Variants in RIMS2 observed in about 807,000 individuals in gnomAD.
RIMS2 encodes the protein regulating synaptic membrane exocytosis 2.
In RIMS2, 59 loss-of-function variants were observed where a neutral mutation model predicts 174.4. The ratio of observed to expected loss-of-function variants is 0.34; its 90% CI spans 0.27 to 0.42. The LOEUF (loss-of-function observed/expected upper bound fraction) is 0.42, where lower values mean the gene tolerates loss of function less well. Among genes scored for constraint, RIMS2 ranks in the 10% least tolerant of loss-of-function variants. The probability of loss-of-function intolerance (pLI) is 1.00; values close to 1 mark genes in which losing one functional copy is unlikely to be tolerated. For synonymous variants in RIMS2, 606 were observed against 572.5 expected (o/e 1.06, Z -0.84); for missense variants, 1,620 against 1,666.3 (o/e 0.97, Z 0.48).
intron 17 of RIMS2, among the ~76,000 whole-genome samples, chr8:104,001,437 A>T (rs776467642): frequency 6.6e-6 from 1 of 152,120 alleles, no homozygotes; most frequent in African/African-American, 2.4e-5. Flanking sequence ...AATGTGTATT[A>T]GTTACAACAC....
At chr8:103,801,151 A>AT (rs1373470831) in intron 3 of RIMS2, among the ~76,000 whole-genome samples, 1 of 151,562 alleles carries the variant, frequency 6.6e-6, no homozygotes, top group Non-Finnish European at 1.5e-5. Flanking sequence ...CACTCGGCTA[A>AT]TTTTTTTTGT....
At position 103,847,391 on chromosome 8, in the gene RIMS2, A is replaced by G. The variant is rs531627172; in HGVS notation, c.699-37907A>G. Among the ~76,000 whole-genome samples the G allele has an allele frequency of 1.2e-4, 18 of 152,236 alleles. No individual in the cohort carries two copies. The South Asian group carries it at 2.1e-3, about 18-fold the overall frequency. ...AAGCACAGTCTTAGCTACATGTTTA[A>G]TGGGGCATTTTGCTATCAGACTAAA... On this transcript the variant is annotated intron_variant, in intron 3 of 23. Coordinates refer to ENST00000504942, the Ensembl canonical transcript of RIMS2.
At chr8:103,623,651 ATTTT>A (rs35923184) in intron 1 of RIMS2, among the ~76,000 whole-genome samples, 1 of 142,092 alleles carries the variant, frequency 7.0e-6, no homozygotes. Flanking sequence ...CGCCCGGCTA[ATTTT>A]TTTTTTTGTA....
intron 2 of RIMS2, among the ~76,000 whole-genome samples, chr8:103,765,199 C>T (rs1289678794): frequency 5.3e-5 from 8 of 151,906 alleles, no homozygotes; most frequent in Non-Finnish European, 1.0e-4. Flanking sequence ...GAATTATGAA[C>T]GGTTATTTTA....
intron 19 of RIMS2, among the ~76,000 whole-genome samples, chr8:104,134,096 T>A (rs1158048778): frequency 6.6e-6 from 1 of 152,020 alleles, no homozygotes; most frequent in Non-Finnish European, 1.5e-5. Context: ...TCAAAAAGTT[T>A]GTGAAAAAAT....
At chr8:103,657,437 T>C (rs888346688) in intron 1 of RIMS2, among the ~76,000 whole-genome samples, 2 of 152,222 alleles carry the variant, frequency 1.3e-5, no homozygotes, top group Non-Finnish European at 2.9e-5. Flanking sequence ...ATCCTCTATA[T>C]AATGAGTTCT....
At chr8:103,780,390 T>C (rs2098375247) in intron 3 of RIMS2, among the ~76,000 whole-genome samples, 1 of 152,188 alleles carries the variant, frequency 6.6e-6, no homozygotes, top group African/African-American at 2.4e-5. Context: ...TTTGGTCTTT[T>C]CTGGTAATAT....
intron 20 of RIMS2, among the ~76,000 whole-genome samples, chr8:104,247,760 T>C (rs2441810): frequency 0.16 from 23,696 of 152,146 alleles, 2,440 homozygotes; most frequent in Non-Finnish European, 0.23. Context: ...CAGGTGTCTA[T>C]TACATATCCA....
chr8:103,834,738 T>TCTCTC (rs1564830472), intron 3 of RIMS2, among the ~76,000 whole-genome samples: 9 of 129,398 alleles, frequency 7.0e-5, no homozygotes, highest in African/African-American at 2.6e-4. Context: ...CTTTCTTTCT[T>TCTCTC]TCTTTCTCTC....
intron 19 of RIMS2, among the ~76,000 whole-genome samples, chr8:104,219,682 G>A (rs2511565): frequency 0.19 from 28,449 of 151,990 alleles, 2,914 homozygotes; most frequent in Non-Finnish European, 0.23. Flanking sequence ...AATTTATTGT[G>A]TATATTTGTG....
At chr8:104,210,701 C>G (rs573151365) in intron 19 of RIMS2, among the ~76,000 whole-genome samples, 227 of 152,308 alleles carry the variant, frequency 1.5e-3, no homozygotes, top group Non-Finnish European at 2.7e-3. Flanking sequence ...TGCAGTATCA[C>G]AGGGCCTTTC....
chr8:104,076,308 C>G (rs1039718741), intron 19 of RIMS2, among the ~76,000 whole-genome samples: 1 of 142,978 alleles, frequency 7.0e-6, no homozygotes, highest in Non-Finnish European at 1.5e-5. Context: ...TTTCCCCCTT[C>G]TATAGTTTTT....
At chr8:104,028,122 A>G (rs2096295711) in intron 19 of RIMS2, among the ~76,000 whole-genome samples, 6 of 150,714 alleles carry the variant, frequency 4.0e-5, no homozygotes, top group African/African-American at 7.4e-5. Flanking sequence ...TTAGAGATAG[A>G]ATCTCTAAAA....
At chr8:103,845,871 C>A (rs2098965240) in intron 3 of RIMS2, among the ~76,000 whole-genome samples, 2 of 152,106 alleles carry the variant, frequency 1.3e-5, no homozygotes, top group Non-Finnish European at 2.9e-5. Flanking sequence ...TAAGTACCTA[C>A]AACTTGCCAA....
At chr8:103,898,547 A>G (rs2099306092) in intron 4 of RIMS2, among the ~76,000 whole-genome samples, 1 of 151,390 alleles carries the variant, frequency 6.6e-6, no homozygotes, top group African/African-American at 2.4e-5. Flanking sequence ...ATTTTTTAGG[A>G]TGTATCAATG....
intron 14 of RIMS2, among the ~76,000 whole-genome samples, chr8:103,958,173 T>C (rs2088258563): frequency 2.0e-5 from 3 of 152,212 alleles, no homozygotes; most frequent in South Asian, 4.1e-4. Flanking sequence ...CAATGACAGA[T>C]TGGATAAAGA....
chr8:103,904,343 C>T (rs1228723397), intron 4 of RIMS2, among the ~76,000 whole-genome samples: 5 of 151,786 alleles, frequency 3.3e-5, no homozygotes. Flanking sequence ...TGGTTGTTTC[C>T]ACTTTTTGCC....
chr8:104,023,411 C>T (rs930554500), intron 19 of RIMS2, among the ~76,000 whole-genome samples: 1 of 151,918 alleles, frequency 6.6e-6, no homozygotes, highest in African/African-American at 2.4e-5. Context: ...ATGATAGTGG[C>T]TTAGACCAGC....
At chr8:103,578,436 C>G (rs1034648882) in intron 1 of RIMS2, among the ~76,000 whole-genome samples, 1 of 151,950 alleles carries the variant, frequency 6.6e-6, no homozygotes, top group Non-Finnish European at 1.5e-5. Flanking sequence ...GAGACTGAGA[C>G]GGGAGAATCA....
Sources: gnomAD v4.1 joint callset for allele counts (sites outside exome capture counted in the v4.1 genomes callset) on GRCh38, gnomAD v4.1.1 for gene constraint, MANE v1.5 for transcripts, NCBI Gene and HGNC (gene_info 2026-07-23, HGNC 2026-07-21) for gene names.